Variants in SCARB1 observed in about 807,000 individuals in gnomAD.
SCARB1 encodes the protein CD36 and LIMPII analogous 1.
In SCARB1, 30 loss-of-function variants were observed where a neutral mutation model predicts 57.2. The observed-to-expected ratio is 0.52, with a 90% CI of 0.39 to 0.71. SCARB1 has a LOEUF of 0.71. SCARB1 is among the 30% of genes least tolerant of loss of function. SCARB1 has a pLI of 0.00. For synonymous variants in SCARB1, 249 were observed against 268.3 expected (o/e 0.93, Z 0.70); for missense variants, 543 against 671.2 (o/e 0.81, Z 2.11).
At chr12:124,803,141 A>G (rs574046852) in intron 7 of SCARB1, among the ~76,000 whole-genome samples, 65 of 152,356 alleles carry the variant, frequency 4.3e-4, no homozygotes, top group African/African-American at 1.5e-3. Flanking sequence ...TTATGGGTCC[A>G]TTCACATGAA....
chr12:124,800,048 CTGGGGAGAGAGG>C lies in SCARB1; in HGVS notation c.1128+64_1128+75del. On this transcript the variant is annotated intron_variant, in intron 8 of 12. Transcript: ENST00000261693. The surrounding 1 kb of genome is among the most constrained non-coding windows in gnomAD (Gnocchi z 4.8). ...ACCCCAGCCCACAGCAGCTCTCTGC[CTGGGGAGAGAGG>C]AGGCAGCCAGGTGTGCTCCAACCAG... 8.9e-7 allele frequency: 1 copy of C among 1,127,248 alleles called. No homozygotes were observed. The highest frequency in any genetic ancestry group is 1.4e-6 in the Non-Finnish European group (1 of 739,126). 69.8% of individuals were successfully genotyped at this position (1,127,248 alleles called of 1,614,324 possible). A position where few individuals can be genotyped will look rare whatever the true frequency, so the allele number is the denominator to read the frequency against.
At chr12:124,860,489 G>C (rs900063779) in intron 1 of SCARB1, among the ~76,000 whole-genome samples, 2 of 152,208 alleles carry the variant, frequency 1.3e-5, no homozygotes, top group African/African-American at 4.8e-5. Flanking sequence ...AGAGACACAC[G>C]GGAACTTGGC....
Position 124,817,104 on chromosome 12 carries a change from G to A in SCARB1, c.284+446C>T, listed in dbSNP as rs1950758263. On this transcript the variant is annotated intron_variant, in intron 2 of 12. Transcript: ENST00000261693. The surrounding 1 kb of genome is among the most constrained non-coding windows in gnomAD (Gnocchi z 4.8). ...TGTGTATGTATGTGTGTGTGTATGT[G>A]TATGTACGTGTGTATGTATGTATGT... Among the ~76,000 whole-genome samples, 1 of 148,576 alleles carries A rather than the reference G, an allele frequency of 6.7e-6. No individual in the cohort carries two copies. The highest frequency in any genetic ancestry group is 2.5e-5 in the African/African-American group (1 of 40,530).
chr12:124,793,982 G>T (rs534255299), intron 9 of SCARB1, among the ~76,000 whole-genome samples: 1 of 152,324 alleles, frequency 6.6e-6, no homozygotes, highest in Admixed American at 6.5e-5. Context: ...AAAATATACT[G>T]ATCCATGCTA....
intron 1 of SCARB1, among the ~76,000 whole-genome samples, chr12:124,833,168 T>C (rs1451172258): frequency 6.7e-6 from 1 of 149,852 alleles, no homozygotes. Context: ...CAATCCAAGT[T>C]CATCTCCCAT....
chr12:124,825,398 C>T (rs567707139), intron 1 of SCARB1, among the ~76,000 whole-genome samples: 10 of 152,198 alleles, frequency 6.6e-5, no homozygotes, highest in Middle Eastern at 3.4e-3. Flanking sequence ...GGGCCAGGCA[C>T]GGGGGCTCAC....
At chr12:124,846,476 C>T (rs936213643) in intron 1 of SCARB1, among the ~76,000 whole-genome samples, 1 of 151,984 alleles carries the variant, frequency 6.6e-6, no homozygotes, top group Admixed American at 6.6e-5. Context: ...ACTGGCCGGG[C>T]GTGGTGGCTC....
chr12:124,779,331 A>G (rs1872951012), intron 12 of SCARB1, among the ~76,000 whole-genome samples: 1 of 152,230 alleles, frequency 6.6e-6, no homozygotes. Flanking sequence ...AGCCAGCCAC[A>G]CAGCAATACA....
chr12:124,849,678 G>A (rs1254011541), intron 1 of SCARB1, among the ~76,000 whole-genome samples: 2 of 152,190 alleles, frequency 1.3e-5, no homozygotes, highest in African/African-American at 4.8e-5. Context: ...ACAGAATTTG[G>A]TTTCCAAAGG....
At chr12:124,811,104 AC>A (rs1201254374) in intron 5 of SCARB1, among the ~76,000 whole-genome samples, 20 of 152,248 alleles carry the variant, frequency 1.3e-4, no homozygotes, top group African/African-American at 4.8e-4. Context: ...CAAAGAAGAA[AC>A]AATTCCGTAT....
At chr12:124,804,740 C>T (rs548394780) in intron 7 of SCARB1, among the ~76,000 whole-genome samples, 1 of 152,358 alleles carries the variant, frequency 6.6e-6, no homozygotes, top group South Asian at 2.1e-4. Flanking sequence ...AATCTGTTGA[C>T]AGCCCCTCCT....
At chr12:124,802,777 G>A (rs1001793597) in intron 7 of SCARB1, among the ~76,000 whole-genome samples, 2 of 152,206 alleles carry the variant, frequency 1.3e-5, no homozygotes, top group African/African-American at 4.8e-5. Flanking sequence ...GGCTCTGTGA[G>A]GCAAGTCGGA....
chr12:124,821,382 T>C (rs1173279323), intron 1 of SCARB1: 11 of 985,284 alleles, frequency 1.1e-5, no homozygotes, highest in Non-Finnish European at 1.3e-5. Context: ...AATCTCACCA[T>C]GCTTTCCTCC....
chr12:124,824,996 G>A (rs1566206270), intron 1 of SCARB1, among the ~76,000 whole-genome samples: 1 of 152,048 alleles, frequency 6.6e-6, no homozygotes, highest in South Asian at 2.1e-4. Context: ...AGGCTGGGGC[G>A]GGCAAATCAT....
At position 124,817,808 on chromosome 12, in the gene SCARB1, G is replaced by A. The variant is rs1259469174; in HGVS notation, c.127-101C>T. On this transcript the variant is annotated intron_variant, in intron 1 of 12. Coordinates refer to ENST00000261693, the MANE Select transcript of SCARB1 (RefSeq NM_005505.5). This position sits in a 1 kb window ranked among gnomAD's most constrained non-coding sequence, Gnocchi z 4.8. ...GCTGCCCGAGCCCGGCCAGGGAAGGGGCTCCTCGGCGGGAGCTTGGGATAG... is the reference window on the plus strand; with the variant it reads ...GCTGCCCGAGCCCGGCCAGGGAAGGAGCTCCTCGGCGGGAGCTTGGGATAG... 1.5e-6 allele frequency: 2 copies of A among 1,297,796 alleles called. No individual in the cohort carries two copies. The highest frequency in any genetic ancestry group is 2.3e-5 in the East Asian group (1 of 43,370). The allele number at this position is 1,297,796 out of a possible 1,614,324, so 80.4% of individuals were successfully genotyped here.
At chr12:124,779,985 G>A (rs775327921) in intron 12 of SCARB1, among the ~76,000 whole-genome samples, 8 of 152,178 alleles carry the variant, frequency 5.3e-5, no homozygotes, top group Non-Finnish European at 8.8e-5. Context: ...GACTTGAGAA[G>A]GTCTCACTCA....
chr12:124,786,037 C>T, intron 11 of SCARB1: 4 of 1,499,170 alleles, frequency 2.7e-6, no homozygotes, highest in East Asian at 2.5e-5. Flanking sequence ...CCTAACAGAA[C>T]CTGGCATCCC....
At chr12:124,799,011 C>T (rs1312075181) in intron 8 of SCARB1, among the ~76,000 whole-genome samples, 3 of 152,210 alleles carry the variant, frequency 2.0e-5, no homozygotes, top group Non-Finnish European at 4.4e-5. Flanking sequence ...CTGTATTGTA[C>T]TATACAATAC....
At position 124,814,951 on chromosome 12, in the gene SCARB1, G is replaced by A. The variant is rs746474613; in HGVS notation, c.426+22C>T. 18 of 1,613,858 alleles carry A rather than the reference G, an allele frequency of 1.1e-5. No individual in the cohort carries two copies. Among genetic ancestry groups the A allele is most frequent in the Middle Eastern group, 1.6e-4 (1 of 6,084 alleles). Reference sequence around the variant, plus strand: ...GGACGAGGTCAGGGTGCGAGGCGGCGTGGGCCACAGGGCAGCCTCACCAAG... The same window carrying A: ...GGACGAGGTCAGGGTGCGAGGCGGCATGGGCCACAGGGCAGCCTCACCAAG... On this transcript the variant is annotated intron_variant, in intron 3 of 12. Transcript: ENST00000261693. This position sits in a 1 kb window ranked among gnomAD's most constrained non-coding sequence, Gnocchi z 4.7.
Sources: gnomAD v4.1 joint callset for allele counts (sites outside exome capture counted in the v4.1 genomes callset) on GRCh38, gnomAD v4.1.1 for gene constraint, Gnocchi (gnomAD v3.1) non-coding constraint, MANE v1.5 for transcripts, NCBI Gene and HGNC (gene_info 2026-07-23, HGNC 2026-07-21) for gene names.